PLXDC2: variants seen among roughly 807,000 people sequenced by gnomAD.
The protein encoded by PLXDC2 is plexin domain containing 2.
Under a neutral mutation model 68.9 loss-of-function variants are expected in PLXDC2, and 40 were observed. That is an observed-to-expected ratio of 0.58 (90% CI 0.45 to 0.76). The LOEUF is 0.76. Ranked by LOEUF, PLXDC2 falls within the 30% of genes least tolerant of loss-of-function variation. The probability of loss-of-function intolerance (pLI) is 0.00; values close to 1 mark genes in which losing one functional copy is unlikely to be tolerated. For synonymous variants in PLXDC2, 243 were observed against 234.2 expected, an observed-to-expected ratio of 1.04 and a Z score of -0.34; for missense variants, 644 against 661.9, an observed-to-expected ratio of 0.97 and a Z score of 0.30.
chr10:20,217,364 G>A (rs1278911889), intron 10 of PLXDC2, 62 bp from the exon 11 acceptor site: 2 of 1,450,240 alleles, frequency 1.4e-6, no homozygotes, highest in African/African-American at 1.4e-5. Context: ...CTTCTTTGAT[G>A]TAAGTTCTAA....
At chr10:20,026,379 C>T (rs925294689) in intron 2 of PLXDC2, among the ~76,000 whole-genome samples, 3 of 152,176 alleles carry the variant, frequency 2.0e-5, no homozygotes, top group African/African-American at 4.8e-5. Context: ...TATTCTCCTT[C>T]TGTGAGTCTC....
chr10:19,897,415 T>G lies in PLXDC2; in HGVS notation c.112+80224T>G, dbSNP rs528256071. 3.4e-4 allele frequency among the ~76,000 whole-genome samples: 51 copies of G among 152,130 alleles called. 1 individual carries two copies. The South Asian group carries it at 0.01, about 31-fold the overall frequency. ...CCACCATGCCTGGCTAGTTTTGTAT[T>G]GTTTTTTTTAGTAGAGAGGGGGTTT... On this transcript the variant is annotated intron_variant, in intron 1 of 13. Coordinates refer to ENST00000377252, the MANE Select transcript of PLXDC2 (RefSeq NM_032812.9).
rs2119410673 is a variant in PLXDC2 at position 20,287,210 on chromosome 10, C to T, written c.*7391C>T. The T allele has an allele frequency of 6.6e-6, 1 of 152,340 alleles. No individual in the cohort carries two copies. The highest frequency in any genetic ancestry group is 1.5e-5 in the Non-Finnish European group (1 of 68,048). The allele number at this position is 152,340 out of a possible 1,614,324, so 9.4% of individuals were successfully genotyped here. On this transcript the variant is annotated 3_prime_UTR_variant, in exon 14 of 14. Coordinates refer to ENST00000377252, the MANE Select transcript of PLXDC2 (RefSeq NM_032812.9). Reference sequence around the variant, plus strand: ...AATGCAGCCATCACCCCCCATACCTCTTCTATGGCATTCATCCTAACATCA... The same window carrying T: ...AATGCAGCCATCACCCCCCATACCTTTTCTATGGCATTCATCCTAACATCA...
chr10:19,882,460 G>A (rs1160018320), intron 1 of PLXDC2, among the ~76,000 whole-genome samples: 2 of 152,182 alleles, frequency 1.3e-5, no homozygotes, highest in Non-Finnish European at 2.9e-5. Context: ...GAAGAGGTTA[G>A]TGAAGTTTGA....
chr10:19,913,836 C>A (rs1007917546), intron 1 of PLXDC2, among the ~76,000 whole-genome samples: 1 of 152,040 alleles, frequency 6.6e-6, no homozygotes, highest in African/African-American at 2.4e-5. Flanking sequence ...TGACCTAGAC[C>A]ATTTACTGTG....
chr10:20,045,417 C>T (rs780891529), intron 2 of PLXDC2, among the ~76,000 whole-genome samples: 3 of 152,214 alleles, frequency 2.0e-5, no homozygotes, highest in South Asian at 2.1e-4. Context: ...GTGATCCGCC[C>T]GCCTTGGCTT....
At chr10:19,868,772 A>G (rs1188565221) in intron 1 of PLXDC2, among the ~76,000 whole-genome samples, 1 of 152,144 alleles carries the variant, frequency 6.6e-6, no homozygotes, top group Non-Finnish European at 1.5e-5. Context: ...ATACTTTTTG[A>G]CCTTGACACT....
At chr10:19,901,260 C>T (rs1475006707) in intron 1 of PLXDC2, among the ~76,000 whole-genome samples, 1 of 152,092 alleles carries the variant, frequency 6.6e-6, no homozygotes, top group Non-Finnish European at 1.5e-5. Context: ...ACACTGTTTT[C>T]CATAGTGGTT....
intron 1 of PLXDC2, among the ~76,000 whole-genome samples, chr10:19,857,253 C>G (rs1564611129): frequency 6.6e-6 from 1 of 152,168 alleles, no homozygotes. Flanking sequence ...ATAATTAACA[C>G]TATTCACTTT....
chr10:20,208,831 G>C (rs1235789227), intron 9 of PLXDC2, among the ~76,000 whole-genome samples: 1 of 152,016 alleles, frequency 6.6e-6, no homozygotes, highest in Admixed American at 6.6e-5. Context: ...AGTACAAAAG[G>C]AGAAATTTTA....
At chr10:19,947,897 C>A (rs757689318) in intron 1 of PLXDC2, among the ~76,000 whole-genome samples, 8 of 152,098 alleles carry the variant, frequency 5.3e-5, no homozygotes, top group Non-Finnish European at 1.2e-4. Flanking sequence ...TTTCTTATTG[C>A]AGATGTCCCT....
intron 6 of PLXDC2, among the ~76,000 whole-genome samples, chr10:20,152,304 G>A (rs1387601494): frequency 6.6e-6 from 1 of 152,112 alleles, no homozygotes; most frequent in Non-Finnish European, 1.5e-5. Context: ...ATAATATTCA[G>A]TGTTTCTTCA....
intron 13 of PLXDC2, among the ~76,000 whole-genome samples, chr10:20,247,306 A>G (rs959310106): frequency 6.6e-6 from 1 of 151,258 alleles, no homozygotes; most frequent in South Asian, 2.1e-4. Context: ...CAAAAAAAAA[A>G]AAAAAGAAAA....
intron 1 of PLXDC2, among the ~76,000 whole-genome samples, chr10:19,885,569 T>A (rs1035115040): frequency 3.3e-5 from 5 of 152,100 alleles, no homozygotes; most frequent in African/African-American, 4.8e-5. Flanking sequence ...GCTTTCTACA[T>A]ATGGCTAGCC....
chr10:20,122,208 T>G lies in PLXDC2; in HGVS notation c.542-21087T>G, dbSNP rs573065120. Among the ~76,000 whole-genome samples, 1,207 of 152,066 alleles carry G rather than the reference T, an allele frequency of 7.9e-3. 14 individuals are homozygous for G. Among genetic ancestry groups the G allele is most frequent in the African/African-American group, 0.027 (1,131 of 41,472 alleles). On this transcript the variant is annotated intron_variant, in intron 4 of 13. Coordinates refer to ENST00000377252, the MANE Select transcript of PLXDC2 (RefSeq NM_032812.9). Reference sequence around the variant, plus strand: ...AGAGTATTGTCTAATTGGCACCAGATTTGGGGAGTTTTAAGAGGTTTAGAA... The same window carrying G: ...AGAGTATTGTCTAATTGGCACCAGAGTTGGGGAGTTTTAAGAGGTTTAGAA...
chr10:19,861,558 A>G (rs1211675496), intron 1 of PLXDC2, among the ~76,000 whole-genome samples: 1 of 152,158 alleles, frequency 6.6e-6, no homozygotes, highest in African/African-American at 2.4e-5. Flanking sequence ...ATGCCTCTCC[A>G]TTCTCAGCTT....
intron 1 of PLXDC2, among the ~76,000 whole-genome samples, chr10:19,835,480 G>A (rs550332624): frequency 1.3e-5 from 2 of 152,272 alleles, no homozygotes; most frequent in African/African-American, 4.8e-5. Flanking sequence ...GGTGCTCATG[G>A]GACATACCAG....
intron 13 of PLXDC2, among the ~76,000 whole-genome samples, chr10:20,264,207 T>C (rs1307519406): frequency 1.3e-5 from 2 of 152,114 alleles, no homozygotes; most frequent in Non-Finnish European, 2.9e-5. Context: ...AGCAAACTAA[T>C]GCATAAACAG....
In PLXDC2 at chr10:20,141,225, G is replaced by C. The variant is rs1189162443; in HGVS notation, c.542-2070G>C. Among the ~76,000 whole-genome samples, 4 of 152,174 alleles carry C rather than the reference G, an allele frequency of 2.6e-5. No homozygotes were observed. In the East Asian group the frequency reaches 7.7e-4, roughly 29 times the overall value. ...TGATTTAAAAATTGGGTTATTGAGA[G>C]TGGGAGCAGTTTCTTGGCAAATCTA... On this transcript the variant is annotated intron_variant, in intron 4 of 13. Coordinates refer to ENST00000377252, the MANE Select transcript of PLXDC2 (RefSeq NM_032812.9).
Sources: allele counts gnomAD v4.1 joint callset (sites outside exome capture counted in the v4.1 genomes callset), GRCh38; gene constraint gnomAD v4.1.1; transcripts MANE v1.5; gene names NCBI Gene and HGNC (gene_info 2026-07-23, HGNC 2026-07-21).